The following BMP2K variants were observed in gnomAD, a reference collection of about 807,000 sequenced individuals.
The protein encoded by BMP2K is BMP2 inducible kinase.
Under a neutral mutation model 116.0 loss-of-function variants are expected in BMP2K, and 74 were observed. The observed-to-expected ratio is 0.64, with a 90% confidence interval of 0.53 to 0.77. BMP2K has a LOEUF of 0.77. Ranked by LOEUF, BMP2K falls within the 30% of genes least tolerant of loss-of-function variation. The pLI is 0.00. For synonymous variants in BMP2K, 486 were observed against 502.5 expected (o/e 0.97, Z 0.44); for missense variants, 1,365 against 1,403.6 (o/e 0.97, Z 0.44).
In BMP2K at chr4:78,859,584, G is replaced by C. The variant is rs955417713; in HGVS notation, c.884G>C (p.Arg295Thr). The C allele has an allele frequency of 1.3e-6, 2 of 1,598,478 alleles. No individual in the cohort carries two copies. The highest frequency in any genetic ancestry group is 2.2e-5 in the East Asian group (1 of 44,600). Residue 295 changes from arginine (R) to threonine (T), a missense_variant and splice_region_variant, in exon 8 of 16, where the codon AGG becomes ACG. Around this residue, in one of 3 missense-constraint regions of BMP2K, gnomAD observed 762 missense variants for 756.7 expected, o/e 1.01. Coordinates refer to ENST00000502613, the MANE Select transcript of BMP2K (RefSeq NM_198892.2). The stretch of plus-strand genomic sequence containing the variant: ...TTAACATTTTGATCTATTCTTGCAG[G>C]GTTCATGCTTGAACCAGATCCGGAA... The part of the protein sequence containing the change: ...RYSRNIHCLI[R>T]FMLEPDPEHR...
intron 1 of BMP2K, among the ~76,000 whole-genome samples, chr4:78,807,545 T>C (rs2109966072): frequency 1.3e-5 from 2 of 152,172 alleles, no homozygotes; most frequent in Middle Eastern, 6.8e-3. Flanking sequence ...CCATCTAGTC[T>C]TGGGCTTTTC....
At chr4:78,783,836 A>C (rs886411400) in intron 1 of BMP2K, among the ~76,000 whole-genome samples, 1 of 152,040 alleles carries the variant, frequency 6.6e-6, no homozygotes, top group African/African-American at 2.4e-5. Flanking sequence ...TAAATAATAA[A>C]TAAAAATAAA....
At chr4:78,853,708 A>G (rs915494092) in intron 7 of BMP2K, among the ~76,000 whole-genome samples, 3 of 152,174 alleles carry the variant, frequency 2.0e-5, no homozygotes, top group Non-Finnish European at 4.4e-5. Flanking sequence ...TTGGTATGGA[A>G]CATTGAGCAC....
At chr4:78,886,657 TTGTG>T (rs148327976) in intron 14 of BMP2K, among the ~76,000 whole-genome samples, 54 of 151,482 alleles carry the variant, frequency 3.6e-4, no homozygotes, top group East Asian at 2.1e-3. Flanking sequence ...GCATGTGTGT[TTGTG>T]TGTGTGTGTG....
chr4:78,878,501 T>C (rs910141935), intron 13 of BMP2K, among the ~76,000 whole-genome samples: 1 of 152,122 alleles, frequency 6.6e-6, no homozygotes, highest in Non-Finnish European at 1.5e-5. Flanking sequence ...TGCCCAAGGG[T>C]ACACAGCTAG....
chr4:78,789,335 A>G (rs1240435671), intron 1 of BMP2K, among the ~76,000 whole-genome samples: 1 of 151,480 alleles, frequency 6.6e-6, no homozygotes, highest in Non-Finnish European at 1.5e-5. Flanking sequence ...TTTTATTTTT[A>G]TTTTTCATTT....
chr4:78,795,274 T>C (rs1053024655), intron 1 of BMP2K, among the ~76,000 whole-genome samples: 8 of 152,202 alleles, frequency 5.3e-5, no homozygotes, highest in Non-Finnish European at 1.0e-4. Flanking sequence ...CAGACACTTA[T>C]TAAAATTTAT....
chr4:78,868,263 A>G (rs1732158287), intron 10 of BMP2K, among the ~76,000 whole-genome samples: 1 of 152,114 alleles, frequency 6.6e-6, no homozygotes, highest in African/African-American at 2.4e-5. Flanking sequence ...AACAAGAGAA[A>G]ATGAGGAGGA....
intron 1 of BMP2K, among the ~76,000 whole-genome samples, chr4:78,820,408 A>G (rs1032478769): frequency 6.6e-6 from 1 of 152,064 alleles, no homozygotes; most frequent in African/African-American, 2.4e-5. Flanking sequence ...TTTTTGTTCT[A>G]TGTGCTGGGT....
chr4:78,900,460 A>G (rs1397270898), intron 15 of BMP2K, among the ~76,000 whole-genome samples: 2 of 152,220 alleles, frequency 1.3e-5, no homozygotes, highest in Non-Finnish European at 2.9e-5. Flanking sequence ...TATTCTGGAG[A>G]GATAAAGTCA....
chr4:78,838,624 T>C (rs1433959037), intron 3 of BMP2K, among the ~76,000 whole-genome samples: 1 of 152,232 alleles, frequency 6.6e-6, no homozygotes, highest in East Asian at 1.9e-4. Context: ...AACAGCTAAC[T>C]GCATTACATA....
At chr4:78,860,015 G>GTTTT (rs375841644) in intron 8 of BMP2K, 53 of 464,774 alleles carry the variant, frequency 1.1e-4, no homozygotes, top group South Asian at 1.6e-4. Flanking sequence ...AGGACTGTTA[G>GTTTT]TTTTTTTTTT....
intron 1 of BMP2K, among the ~76,000 whole-genome samples, chr4:78,806,843 T>TC (rs898610135): frequency 9.3e-5 from 14 of 151,266 alleles, no homozygotes; most frequent in African/African-American, 3.4e-4. Context: ...ATCTTTTCTT[T>TC]TTTTTTTTTT....
Position 78,842,365 on chromosome 4 carries a change from A to G in BMP2K, c.404-20A>G, listed in dbSNP as rs754193182. ...TTATTTATTAAAAATATGTCCTCTC[A>G]AAATTACTTTTTTGGTTAGCTGGAC... is the stretch of plus-strand genomic sequence containing the variant. On this transcript the variant is annotated intron_variant, in intron 3 of 15. Transcript: ENST00000502613. 1.7e-5 allele frequency: 26 copies of G among 1,571,154 alleles called. No homozygotes were observed. Among genetic ancestry groups the G allele is most frequent in the Non-Finnish European group, 2.3e-5 (26 of 1,150,260 alleles).
At chr4:78,826,998 G>T (rs898079431) in intron 2 of BMP2K, among the ~76,000 whole-genome samples, 1 of 152,162 alleles carries the variant, frequency 6.6e-6, no homozygotes, top group Non-Finnish European at 1.5e-5. Context: ...AGTGAATGTT[G>T]CAAGAAAGCA....
At chr4:78,807,742 T>A (rs1280863757) in intron 1 of BMP2K, among the ~76,000 whole-genome samples, 1 of 150,948 alleles carries the variant, frequency 6.6e-6, no homozygotes, top group African/African-American at 2.4e-5. Flanking sequence ...ACAATCCTTT[T>A]GATTTCTTTA....
chr4:78,847,167 A>C, intron 5 of BMP2K, 21 bp from the exon 6 acceptor site: 1 of 1,381,524 alleles, frequency 7.2e-7, no homozygotes, highest in Non-Finnish European at 9.7e-7. Context: ...TCTCCACTCC[A>C]TTTCACTCAT....
chr4:78,896,755 G>T (rs1733725963), intron 15 of BMP2K, among the ~76,000 whole-genome samples: 1 of 152,004 alleles, frequency 6.6e-6, no homozygotes, highest in African/African-American at 2.4e-5. Flanking sequence ...ATATTTCTTT[G>T]CTGCTGCTTT....
intron 6 of BMP2K, 48 bp from the exon 7 acceptor site, chr4:78,850,876 T>A: frequency 6.3e-7 from 1 of 1,589,060 alleles, no homozygotes; most frequent in Non-Finnish European, 8.5e-7. Flanking sequence ...TATTTTTGTG[T>A]CTTGTTAACT....
Sources: allele counts gnomAD v4.1 joint callset (sites outside exome capture counted in the v4.1 genomes callset), GRCh38; gene constraint gnomAD v4.1.1; regional missense constraint gnomAD v4.1.1; transcripts MANE v1.5; gene names NCBI Gene and HGNC (gene_info 2026-07-23, HGNC 2026-07-21).